PLEKHM3: variants seen among roughly 807,000 people sequenced by gnomAD.
PLEKHM3 encodes the protein pleckstrin homology domain containing M3.
PLEKHM3 carries 45 observed loss-of-function variants against 81.8 expected under a neutral mutation model. The ratio of observed to expected loss-of-function variants is 0.55; its 90% CI spans 0.43 to 0.71. The LOEUF (loss-of-function observed/expected upper bound fraction) is 0.71. Ranked by LOEUF, PLEKHM3 falls within the 30% of genes least tolerant of loss-of-function variation. The pLI, the probability that PLEKHM3 is intolerant of heterozygous loss-of-function variation, is 0.00. For missense variants in PLEKHM3, 788 were observed against 924.3 expected (o/e 0.85, Z 1.91); for synonymous variants, 352 against 356.4 (o/e 0.99, Z 0.14).
chr2:207,930,322 C>G (rs536259398), intron 5 of PLEKHM3, among the ~76,000 whole-genome samples: 2 of 152,186 alleles, frequency 1.3e-5, no homozygotes, highest in African/African-American at 4.8e-5. Context: ...TGGCTCACAC[C>G]TGTAATCCCA....
chr2:207,866,348 G>C (rs937034455), intron 6 of PLEKHM3, among the ~76,000 whole-genome samples: 2 of 152,086 alleles, frequency 1.3e-5, no homozygotes, highest in Non-Finnish European at 2.9e-5. Flanking sequence ...GTAGAGGTGG[G>C]GTTTCACCAT....
chr2:207,853,155 A>G (rs1387660329), intron 7 of PLEKHM3, among the ~76,000 whole-genome samples: 1 of 152,218 alleles, frequency 6.6e-6, no homozygotes, highest in Non-Finnish European at 1.5e-5. Flanking sequence ...TATTAGGGTC[A>G]GGATCATGTT....
intron 1 of PLEKHM3, among the ~76,000 whole-genome samples, chr2:208,021,307 T>C (rs1414080568): frequency 1.1e-4 from 17 of 152,232 alleles, no homozygotes; most frequent in Admixed American, 1.1e-3. Context: ...TCCATCAATC[T>C]ATGAGAAAAC....
intron 2 of PLEKHM3, among the ~76,000 whole-genome samples, chr2:207,978,823 A>G (rs767239894): frequency 4.6e-5 from 7 of 152,196 alleles, no homozygotes; most frequent in Non-Finnish European, 8.8e-5. Context: ...TATCACTACT[A>G]AATTATTCTT....
chr2:208,023,739 C>G (rs1000608087), intron 1 of PLEKHM3, among the ~76,000 whole-genome samples: 28 of 152,242 alleles, frequency 1.8e-4, no homozygotes, highest in Middle Eastern at 3.4e-3. Flanking sequence ...GAAAAATGGT[C>G]TTCCGGTCCC....
At position 207,963,882 on chromosome 2, in the gene PLEKHM3, A is replaced by G. The variant is rs143823766; in HGVS notation, c.1546+12769T>C. ...AGTTAAAGGAAATGTGCCTATATAA[A>G]CTAGAGAAAACTCAAGTATGGGTTG... is the stretch of plus-strand genomic sequence containing the variant. On this transcript the variant is annotated intron_variant, in intron 3 of 7. Transcript: ENST00000427836. Among the ~76,000 whole-genome samples, 1,056 of 152,314 alleles carry G rather than the reference A, an allele frequency of 6.9e-3. 8 individuals carry two copies. The highest frequency in any genetic ancestry group is 0.011 in the Non-Finnish European group (751 of 68,018).
At chr2:207,922,471 T>A (rs903302528) in intron 5 of PLEKHM3, among the ~76,000 whole-genome samples, 1 of 152,172 alleles carries the variant, frequency 6.6e-6, no homozygotes, top group Non-Finnish European at 1.5e-5. Flanking sequence ...TTTAAGGGCC[T>A]TCTGATCTAG....
intron 6 of PLEKHM3, among the ~76,000 whole-genome samples, chr2:207,902,566 T>G (rs1688467836): frequency 6.6e-6 from 1 of 152,178 alleles, no homozygotes; most frequent in African/African-American, 2.4e-5. Flanking sequence ...ACTGAAGAGT[T>G]AACTGTTCAG....
chr2:208,002,527 G>A (rs544242724), intron 1 of PLEKHM3, among the ~76,000 whole-genome samples: 4 of 152,178 alleles, frequency 2.6e-5, no homozygotes, highest in Admixed American at 1.3e-4. Flanking sequence ...GCATTCTTAC[G>A]GTTTCAGGCT....
In PLEKHM3 at chr2:207,849,331, C is replaced by CA. The variant is rs376920248; in HGVS notation, c.2108+11773dup. 9.8e-3 allele frequency among the ~76,000 whole-genome samples: 1,400 copies of CA among 143,290 alleles called. 14 individuals carry two copies. Among genetic ancestry groups the CA allele is most frequent in the Non-Finnish European group, 0.016 (1,043 of 65,140 alleles). The allele number at this position is 143,290 out of a possible 152,430, so 94.0% of individuals were successfully genotyped here. On this transcript the variant is annotated intron_variant, in intron 7 of 7. Transcript: ENST00000427836. ...CCTGGGCCACAGAGCGAGACTGTCT[C>CA]AAAAAAAAAAAGTGTACAGACTAGA...
At chr2:207,867,169 G>A (rs1003934230) in intron 6 of PLEKHM3, among the ~76,000 whole-genome samples, 24 of 152,148 alleles carry the variant, frequency 1.6e-4, no homozygotes, top group African/African-American at 5.6e-4. Context: ...GTCTTGTGTC[G>A]CAAACATTTT....
intron 7 of PLEKHM3, among the ~76,000 whole-genome samples, chr2:207,858,387 C>A (rs1425647296): frequency 6.6e-6 from 1 of 151,868 alleles, no homozygotes; most frequent in Non-Finnish European, 1.5e-5. Context: ...TGCCAGAGAA[C>A]ACGCTTGGTA....
At chr2:207,991,732 G>A (rs1243434646) in intron 2 of PLEKHM3, among the ~76,000 whole-genome samples, 2 of 152,142 alleles carry the variant, frequency 1.3e-5, no homozygotes, top group African/African-American at 2.4e-5. Context: ...TGGGGCAGCT[G>A]TAGCCACTTT....
At chr2:207,830,968 C>G (rs182294737) in intron 7 of PLEKHM3, among the ~76,000 whole-genome samples, 5 of 152,192 alleles carry the variant, frequency 3.3e-5, no homozygotes, top group Non-Finnish European at 7.3e-5. Flanking sequence ...CAAGTCACGT[C>G]GCCTTTCTGA....
rs1382607355 is a variant in PLEKHM3 at position 207,823,970 on chromosome 2, C to T, written c.*4349G>A. 2 of 152,202 alleles carry T rather than the reference C, an allele frequency of 1.3e-5. No homozygotes were observed. Among genetic ancestry groups the T allele is most frequent in the East Asian group, 1.9e-4 (1 of 5,196 alleles). 9.4% of individuals were successfully genotyped at this position (152,202 alleles called of 1,614,324 possible). ...GTGCTAGACTTAACTGTCGAAACAC[C>T]GTTCCACATGACAGAAATCAACACT... On this transcript the variant is annotated 3_prime_UTR_variant, in exon 8 of 8. Transcript: ENST00000427836.
chr2:208,004,048 CT>C lies in PLEKHM3; in HGVS notation c.-318-2092del, dbSNP rs552431918. ...TTCAAAAAATTATTTGTTTCTTTCT[CT>C]TTTTTTTTTGATTTATCAAACTATC... On this transcript the variant is annotated intron_variant, in intron 1 of 7. Coordinates refer to ENST00000427836, the MANE Select transcript of PLEKHM3 (RefSeq NM_001080475.3). 1.6e-3 allele frequency among the ~76,000 whole-genome samples: 236 copies of C among 150,770 alleles called. 1 individual carries two copies. Among genetic ancestry groups the C allele is most frequent in the Non-Finnish European group, 2.5e-3 (166 of 67,682 alleles).
chr2:207,825,493 C>T lies in PLEKHM3; in HGVS notation c.*2826G>A, dbSNP rs1210710432. On this transcript the variant is annotated 3_prime_UTR_variant, in exon 8 of 8. Coordinates refer to ENST00000427836, the MANE Select transcript of PLEKHM3 (RefSeq NM_001080475.3). The stretch of plus-strand genomic sequence containing the variant: ...AAAGAGGTGGTAATCCACAGATTTG[C>T]TTTTGTTTCGACAGTTTCTAAGCAG... 1 of 152,196 alleles carries T rather than the reference C, an allele frequency of 6.6e-6. No individual in the cohort carries two copies. The highest frequency in any genetic ancestry group is 1.9e-4 in the East Asian group (1 of 5,200). The allele number at this position is 152,196 out of a possible 1,614,324, so 9.4% of individuals were successfully genotyped here. A position where few individuals can be genotyped will look rare whatever the true frequency, so the allele number is the denominator to read the frequency against.
chr2:208,009,257 A>C (rs1172654009), intron 1 of PLEKHM3, among the ~76,000 whole-genome samples: 1 of 152,198 alleles, frequency 6.6e-6, no homozygotes, highest in Non-Finnish European at 1.5e-5. Flanking sequence ...TATTTCAGGA[A>C]AGGCTTGCAG....
chr2:207,827,598 T>G lies in PLEKHM3; in HGVS notation c.*721A>C, dbSNP rs2092258413. The G allele has an allele frequency of 6.6e-6, 1 of 152,176 alleles. No individual in the cohort carries two copies. Among genetic ancestry groups the G allele is most frequent in the Non-Finnish European group, 1.5e-5 (1 of 68,050 alleles). The allele number at this position is 152,176 out of a possible 1,614,324, so 9.4% of individuals were successfully genotyped here. A position where few individuals can be genotyped will look rare whatever the true frequency, so the allele number is the denominator to read the frequency against. ...AAACAGACCGACAACACGCAGTTATTGGTCGCAGAGGTTTCTTCTCTTCTC... is the reference window on the plus strand; with the variant it reads ...AAACAGACCGACAACACGCAGTTATGGGTCGCAGAGGTTTCTTCTCTTCTC... On this transcript the variant is annotated 3_prime_UTR_variant, in exon 8 of 8. Transcript: ENST00000427836.
Sources: gnomAD v4.1 joint callset for allele counts (sites outside exome capture counted in the v4.1 genomes callset) on GRCh38, gnomAD v4.1.1 for gene constraint, MANE v1.5 for transcripts, NCBI Gene and HGNC (gene_info 2026-07-23, HGNC 2026-07-21) for gene names.